CNOT6L: variants seen among roughly 807,000 people sequenced by gnomAD.
The protein encoded by CNOT6L is CCR4-NOT transcription complex subunit 6-like.
CNOT6L carries 7 observed loss-of-function variants against 64.0 expected under a neutral mutation model. The ratio of observed to expected loss-of-function variants is 0.11; its 90% CI spans 0.06 to 0.21. CNOT6L has a LOEUF of 0.21. CNOT6L is among the 10% of genes least tolerant of loss of function. CNOT6L has a pLI of 1.00. For missense variants in CNOT6L, 245 were observed against 669.0 expected (o/e 0.37, Z 6.99); for synonymous variants, 193 against 243.4 (o/e 0.79, Z 1.93).
chr4:77,762,342 C>T (rs1043605471), intron 4 of CNOT6L, among the ~76,000 whole-genome samples: 1 of 152,070 alleles, frequency 6.6e-6, no homozygotes, highest in Non-Finnish European at 1.5e-5. Context: ...CATAAAACTA[C>T]AACAATCAAA....
intron 1 of CNOT6L, among the ~76,000 whole-genome samples, chr4:77,789,945 C>CAAAAAAAAAAA (rs58242121): frequency 2.4e-5 from 2 of 83,310 alleles, no homozygotes; most frequent in African/African-American, 9.7e-5. Flanking sequence ...GACACTGTCT[C>CAAAAAAAAAAA]AAAAAAAAAA....
intron 1 of CNOT6L, among the ~76,000 whole-genome samples, chr4:77,818,447 TAA>T (rs879666876): frequency 7.0e-6 from 1 of 143,806 alleles, no homozygotes. Context: ...TTTGTCTAAT[TAA>T]AAAAAAAAAA....
rs188295042 is a variant in CNOT6L at position 77,725,670 on chromosome 4, C to G, written c.1455+497G>C. Reference sequence around the variant, plus strand: ...GAACCAAAGTACAACCTGCTCTAACCCCATACCCAAAAATAACCTGAAAAA... The same window carrying G: ...GAACCAAAGTACAACCTGCTCTAACGCCATACCCAAAAATAACCTGAAAAA... On this transcript the variant is annotated intron_variant, in intron 11 of 11. Coordinates refer to ENST00000504123, the MANE Select transcript of CNOT6L (RefSeq NM_144571.3). 8.5e-5 allele frequency among the ~76,000 whole-genome samples: 13 copies of G among 152,156 alleles called. No individual in the cohort carries two copies. In the East Asian group the frequency reaches 2.5e-3, roughly 29 times the overall value.
chr4:77,795,780 G>A (rs1291073662), intron 1 of CNOT6L, among the ~76,000 whole-genome samples: 1 of 152,048 alleles, frequency 6.6e-6, no homozygotes, highest in Non-Finnish European at 1.5e-5. Flanking sequence ...TGTGAGACTG[G>A]ACTAATACAC....
intron 4 of CNOT6L, among the ~76,000 whole-genome samples, chr4:77,764,732 T>C (rs1215631363): frequency 1.3e-5 from 2 of 152,178 alleles, no homozygotes; most frequent in African/African-American, 4.8e-5. Context: ...TGAATGGCTC[T>C]CAACATACTG....
intron 8 of CNOT6L, among the ~76,000 whole-genome samples, chr4:77,734,769 A>ATAATTCTATTTTTCTATTGGATC (rs1722775709): frequency 2.0e-5 from 3 of 152,170 alleles, no homozygotes; most frequent in African/African-American, 7.2e-5. Context: ...TTTACAGGAT[A>ATAATTCTATTTTTCTATTGGATC]TAATTCTATT....
At chr4:77,777,423 C>G (rs1440766848) in intron 1 of CNOT6L, among the ~76,000 whole-genome samples, 4 of 152,300 alleles carry the variant, frequency 2.6e-5, no homozygotes, top group African/African-American at 9.6e-5. Flanking sequence ...GAACAATCAT[C>G]AATGATGACC....
At chr4:77,813,917 A>C (rs1460506742) in intron 1 of CNOT6L, among the ~76,000 whole-genome samples, 1 of 152,174 alleles carries the variant, frequency 6.6e-6, no homozygotes. Flanking sequence ...AAAGAATTCA[A>C]AACATACATA....
intron 1 of CNOT6L, among the ~76,000 whole-genome samples, chr4:77,807,635 A>G (rs933531317): frequency 2.0e-5 from 3 of 152,242 alleles, no homozygotes; most frequent in Non-Finnish European, 4.4e-5. Flanking sequence ...ACCACGCTGT[A>G]AGTCACTCAC....
intron 1 of CNOT6L, among the ~76,000 whole-genome samples, chr4:77,783,101 A>G (rs1399225114): frequency 6.6e-6 from 1 of 151,636 alleles, no homozygotes; most frequent in Admixed American, 6.6e-5. Context: ...ATTTTTTTAA[A>G]AAAGACTTAA....
chr4:77,737,770 C>T (rs1723141433), intron 8 of CNOT6L, among the ~76,000 whole-genome samples: 1 of 152,006 alleles, frequency 6.6e-6, no homozygotes. Context: ...ATTTTAACCC[C>T]ATAAGAAACC....
intron 2 of CNOT6L, 86 bp from the exon 3 acceptor site, chr4:77,774,802 G>A (rs1727977006): frequency 1.3e-6 from 1 of 791,124 alleles, no homozygotes; most frequent in Non-Finnish European, 1.9e-6. Flanking sequence ...TGGTAAGAGA[G>A]GCTGCAAATA....
chr4:77,720,563 C>G lies in CNOT6L; in HGVS notation c.1536G>C (p.Leu512=). 6.2e-6 allele frequency: 10 copies of G among 1,613,326 alleles called. No individual in the cohort carries two copies. The highest frequency in any genetic ancestry group is 8.5e-6 in the Non-Finnish European group (10 of 1,179,448). ...GVLGPLDPQW[L]VENNITGCPH... ...GACACCCAGTGATGTTGTTCTCAAC[C>G]AGCCATTGAGGATCTAAAGGCCCCA... The change falls in exon 12 of 12, where the codon CTG becomes CTC. Residue 512 remains leucine, a synonymous_variant. Coordinates refer to ENST00000504123, the MANE Select transcript of CNOT6L (RefSeq NM_144571.3).
intron 4 of CNOT6L, among the ~76,000 whole-genome samples, chr4:77,771,934 T>G (rs1727599507): frequency 6.6e-6 from 1 of 152,264 alleles, no homozygotes; most frequent in African/African-American, 2.4e-5. Flanking sequence ...CATTTGTATT[T>G]GGTCCTATTA....
chr4:77,818,640 G>C (rs1733843612), intron 1 of CNOT6L, among the ~76,000 whole-genome samples: 2 of 152,152 alleles, frequency 1.3e-5, no homozygotes, highest in South Asian at 2.1e-4. Context: ...CTTGCAGTTG[G>C]AACGCCAAAA....
At chr4:77,808,630 T>C (rs1233520545) in intron 1 of CNOT6L, among the ~76,000 whole-genome samples, 1 of 152,128 alleles carries the variant, frequency 6.6e-6, no homozygotes, top group African/African-American at 2.4e-5. Flanking sequence ...GGTGACAATG[T>C]GTACAAAGGA....
In CNOT6L at chr4:77,746,002, CTGAG is replaced by C. The variant is rs553973862; in HGVS notation, c.560-1131_560-1128del. 2.1e-4 allele frequency among the ~76,000 whole-genome samples: 32 copies of C among 152,260 alleles called. 1 individual carries two copies. In the East Asian group the frequency reaches 6.2e-3, roughly 29 times the overall value. On this transcript the variant is annotated intron_variant, in intron 6 of 11. Transcript: ENST00000504123. ...CAATTTGAGTTGACTTTTGTACTTTCTGAGTATTTATCTTGGAAATGACCCAGCA... is the reference window on the plus strand; with the variant it reads ...CAATTTGAGTTGACTTTTGTACTTTCTATTTATCTTGGAAATGACCCAGCA...
chr4:77,728,329 T>A (rs1722095084), intron 10 of CNOT6L, among the ~76,000 whole-genome samples: 1 of 152,256 alleles, frequency 6.6e-6, no homozygotes, highest in Admixed American at 6.5e-5. Flanking sequence ...CTCAGGCAGC[T>A]GATCTTTATT....
At position 77,774,732 on chromosome 4, in the gene CNOT6L, C is replaced by T; in HGVS notation, c.128-16G>A. The T allele has an allele frequency of 2.0e-6, 3 of 1,505,472 alleles. No individual in the cohort carries two copies. Among genetic ancestry groups the T allele is most frequent in the Non-Finnish European group, 2.7e-6 (3 of 1,127,684 alleles). 93.3% of individuals were successfully genotyped at this position (1,505,472 alleles called of 1,614,324 possible). On this transcript the variant is annotated splice_polypyrimidine_tract_variant and intron_variant, in intron 2 of 11. Coordinates refer to ENST00000504123, the MANE Select transcript of CNOT6L (RefSeq NM_144571.3). ...CGCACTCTACCTAAAAGGCAAAATA[C>T]TGAAGTGTAAAAAAAAACCCCAGGC...
Sources: gnomAD v4.1 joint callset for allele counts (sites outside exome capture counted in the v4.1 genomes callset) on GRCh38, gnomAD v4.1.1 for gene constraint, MANE v1.5 for transcripts, NCBI Gene and HGNC (gene_info 2026-07-23, HGNC 2026-07-21) for gene names.